THSD4: variants seen among roughly 807,000 people sequenced by gnomAD.
THSD4 encodes thrombospondin type 1 domain containing 4, also known as thrombospondin type-1 domain-containing protein 4.
THSD4 carries 69 observed loss-of-function variants against 119.0 expected under a neutral mutation model. That is an observed-to-expected ratio of 0.58 (90% confidence interval 0.48 to 0.71). The LOEUF (loss-of-function observed/expected upper bound fraction) is 0.71, where lower values mean the gene tolerates loss of function less well. THSD4 is among the 30% of genes least tolerant of loss of function. The pLI, the probability that THSD4 is intolerant of heterozygous loss-of-function variation, is 0.00. For missense variants in THSD4, 1,393 were observed against 1,391.1 expected, an observed-to-expected ratio of 1.00 and a Z score of -0.02; for synonymous variants, 524 against 540.4, an observed-to-expected ratio of 0.97 and a Z score of 0.42.
chr15:71,427,503 C>T (rs923698374), intron 7 of THSD4, among the ~76,000 whole-genome samples: 1 of 150,894 alleles, frequency 6.6e-6, no homozygotes, highest in African/African-American at 2.4e-5. Flanking sequence ...GTGAAGGTCT[C>T]CAGGGAGGGC....
rs556638164 is a variant in THSD4, at chr15:71,189,317, A to G, written c.100-25718A>G. Among the ~76,000 whole-genome samples the G allele has an allele frequency of 3.3e-5, 5 of 152,330 alleles. No homozygotes were observed. In the South Asian group the frequency reaches 1.0e-3, roughly 32 times the overall value. ...AATGAAACCAACAGAGAGCAATACTAGGTCAGTGGTATTCAAGCCTGACTG... is the reference window on the plus strand; with the variant it reads ...AATGAAACCAACAGAGAGCAATACTGGGTCAGTGGTATTCAAGCCTGACTG... On this transcript the variant is annotated intron_variant, in intron 3 of 17. Coordinates refer to ENST00000261862, the MANE Select transcript of THSD4 (RefSeq NM_024817.3).
At chr15:71,310,258 CCAGTTTAT>C (rs2045093456) in intron 6 of THSD4, among the ~76,000 whole-genome samples, 1 of 152,036 alleles carries the variant, frequency 6.6e-6, no homozygotes, top group Non-Finnish European at 1.5e-5. Context: ...CCATTAGAAT[CCAGTTTAT>C]CACTAAGTTG....
intron 6 of THSD4, among the ~76,000 whole-genome samples, chr15:71,265,500 C>T (rs2044453953): frequency 6.6e-6 from 1 of 152,166 alleles, no homozygotes; most frequent in Admixed American, 6.5e-5. Flanking sequence ...CACCAGGGCC[C>T]TGGGTTTCAA....
intron 7 of THSD4, among the ~76,000 whole-genome samples, chr15:71,553,033 C>T (rs1410007849): frequency 6.6e-6 from 1 of 152,124 alleles, no homozygotes; most frequent in Non-Finnish European, 1.5e-5. Flanking sequence ...TCATTCTCTC[C>T]CCTATCCTTC....
intron 6 of THSD4, among the ~76,000 whole-genome samples, chr15:71,343,831 G>A (rs911084468): frequency 6.7e-6 from 1 of 150,254 alleles, no homozygotes; most frequent in Non-Finnish European, 1.5e-5. Flanking sequence ...TCCTACCTCA[G>A]CGTCCTGAGC....
chr15:71,552,054 G>GA (rs1405115577), intron 7 of THSD4, among the ~76,000 whole-genome samples: 1 of 129,814 alleles, frequency 7.7e-6, no homozygotes, highest in African/African-American at 2.5e-5. Flanking sequence ...AGTGGGAAAA[G>GA]AGGGGGAGCA....
chr15:71,684,641 A>G (rs1165633388), intron 8 of THSD4, among the ~76,000 whole-genome samples: 1 of 151,678 alleles, frequency 6.6e-6, no homozygotes, highest in Non-Finnish European at 1.5e-5. Context: ...ATCTTGCTGA[A>G]TGGTTTTTTT....
At chr15:71,571,106 A>G (rs1182345533) in intron 7 of THSD4, among the ~76,000 whole-genome samples, 1 of 152,096 alleles carries the variant, frequency 6.6e-6, no homozygotes, top group Non-Finnish European at 1.5e-5. Context: ...TCGGCGGAAC[A>G]TGTTTCATTG....
At chr15:71,646,051 C>T (rs1595823406) in intron 7 of THSD4, among the ~76,000 whole-genome samples, 1 of 152,206 alleles carries the variant, frequency 6.6e-6, no homozygotes, top group South Asian at 2.1e-4. Flanking sequence ...TTTGTGGCTT[C>T]CACCTTAAAA....
intron 7 of THSD4, among the ~76,000 whole-genome samples, chr15:71,648,663 A>G (rs2051020435): frequency 6.6e-6 from 1 of 152,210 alleles, no homozygotes; most frequent in South Asian, 2.1e-4. Flanking sequence ...CTGTCTTCAA[A>G]CACCACTTGA....
intron 3 of THSD4, among the ~76,000 whole-genome samples, chr15:71,199,816 TGCAC>T: frequency 1.4e-5 from 2 of 139,494 alleles, no homozygotes; most frequent in African/African-American, 6.0e-5. Flanking sequence ...GTGTGTGTGA[TGCAC>T]GTGTGGGGTG....
intron 10 of THSD4, among the ~76,000 whole-genome samples, chr15:71,735,684 TTCTGTC>T (rs764698947): frequency 5.2e-4 from 72 of 139,500 alleles, no homozygotes; most frequent in Middle Eastern, 4.5e-3. Flanking sequence ...CTCTCTCACT[TTCTGTC>T]TCTGTCTCTG....
chr15:71,754,840 A>T (rs2053510575), intron 14 of THSD4, among the ~76,000 whole-genome samples: 1 of 152,156 alleles, frequency 6.6e-6, no homozygotes, highest in Admixed American at 6.6e-5. Context: ...GACTTGAGGG[A>T]TTATATACCA....
At chr15:71,227,706 T>C (rs569844989) in intron 4 of THSD4, among the ~76,000 whole-genome samples, 1 of 152,254 alleles carries the variant, frequency 6.6e-6, no homozygotes, top group South Asian at 2.1e-4. Flanking sequence ...GGGATTTGAG[T>C]GCAGGGTTCC....
At chr15:71,403,855 G>A (rs2046571575) in intron 6 of THSD4, among the ~76,000 whole-genome samples, 1 of 151,992 alleles carries the variant, frequency 6.6e-6, no homozygotes, top group Admixed American at 6.6e-5. Context: ...TAATGCTCAT[G>A]CTGCTTGCTC....
At chr15:71,540,421 C>T (rs1234348261) in intron 7 of THSD4, among the ~76,000 whole-genome samples, 1 of 124,376 alleles carries the variant, frequency 8.0e-6, no homozygotes, top group African/African-American at 3.0e-5. Context: ...CAGGCCTGAG[C>T]CACTGCACCT....
intron 7 of THSD4, among the ~76,000 whole-genome samples, chr15:71,515,556 T>C (rs1395365882): frequency 6.6e-6 from 1 of 152,176 alleles, no homozygotes; most frequent in Non-Finnish European, 1.5e-5. Flanking sequence ...TGAGGGGGGC[T>C]CAATCTCTAC....
chr15:71,645,397 A>G (rs2050949136), intron 7 of THSD4, among the ~76,000 whole-genome samples: 1 of 152,184 alleles, frequency 6.6e-6, no homozygotes, highest in Admixed American at 6.5e-5. Flanking sequence ...ATATAAAGCC[A>G]TCAGATCTCA....
chr15:71,322,669 C>T (rs1295097737), intron 6 of THSD4, among the ~76,000 whole-genome samples: 2 of 152,124 alleles, frequency 1.3e-5, no homozygotes, highest in South Asian at 2.1e-4. Context: ...GGAGGATGGA[C>T]TTCCAAAGTA....
Sources: gnomAD v4.1 joint callset for allele counts (sites outside exome capture counted in the v4.1 genomes callset) on GRCh38, gnomAD v4.1.1 for gene constraint, MANE v1.5 for transcripts, NCBI Gene and HGNC (gene_info 2026-07-23, HGNC 2026-07-21) for gene names.